BRAF: variants seen among roughly 807,000 people sequenced by gnomAD.
The protein encoded by BRAF is serine/threonine-protein kinase B-raf.
In BRAF, 16 loss-of-function variants were observed where a neutral mutation model predicts 104.6. That is an observed-to-expected ratio of 0.15 (90% CI 0.10 to 0.23). The LOEUF is 0.23. Ranked by LOEUF, BRAF falls within the 10% of genes least tolerant of loss-of-function variation. The probability of loss-of-function intolerance (pLI) is 1.00; values close to 1 mark genes in which losing one functional copy is unlikely to be tolerated. For missense variants in BRAF, 541 were observed against 937.3 expected (o/e 0.58, Z 5.52); for synonymous variants, 310 against 341.6 (o/e 0.91, Z 1.02).
At chr7:140,784,713 C>A (rs759162354) in intron 10 of BRAF, among the ~76,000 whole-genome samples, 1 of 150,468 alleles carries the variant, frequency 6.6e-6, no homozygotes, top group Admixed American at 6.6e-5. Flanking sequence ...GGTGTGATCT[C>A]GGCTCACTGC....
chr7:140,900,591 CTT>C (rs1248168871), intron 1 of BRAF, among the ~76,000 whole-genome samples: 3 of 152,166 alleles, frequency 2.0e-5, no homozygotes, highest in Non-Finnish European at 1.5e-5. Context: ...TTCATCTCCT[CTT>C]TCTGTTGTTT....
chr7:140,762,656 G>C (rs1452534865), intron 14 of BRAF, among the ~76,000 whole-genome samples: 1 of 150,032 alleles, frequency 6.7e-6, no homozygotes, highest in Non-Finnish European at 1.5e-5. Flanking sequence ...TTCTCGCAGA[G>C]GGGTATTTGG....
At chr7:140,811,556 C>G (rs878961096) in intron 3 of BRAF, among the ~76,000 whole-genome samples, 1 of 152,068 alleles carries the variant, frequency 6.6e-6, no homozygotes, top group Admixed American at 6.5e-5. Context: ...ATCTTTATAG[C>G]CTTGGGATTT....
At chr7:140,716,449 T>C (rs1795132085), downstream of BRAF, among the ~76,000 whole-genome samples, 1 of 152,234 alleles carries the variant, frequency 6.6e-6, no homozygotes, top group Admixed American at 6.5e-5. Context: ...TCTAGACCAT[T>C]GGACCTAAGC....
chr7:140,765,583 G>C lies in BRAF; in HGVS notation c.1814+11329C>G, dbSNP rs1224834040. 5.9e-5 allele frequency among the ~76,000 whole-genome samples: 9 copies of C among 151,940 alleles called. No homozygotes were observed. In the East Asian group the frequency reaches 1.7e-3, roughly 29 times the overall value. On this transcript the variant is annotated intron_variant, in intron 14 of 19. Transcript: ENST00000644969. ...AGGGCTAATATCCAGAATCTACAAA[G>C]AACTCAAACAAATTTACAAGAAAAA...
intron 3 of BRAF, among the ~76,000 whole-genome samples, chr7:140,831,575 CT>C (rs1022975530): frequency 6.6e-6 from 1 of 152,120 alleles, no homozygotes; most frequent in Non-Finnish European, 1.5e-5. Flanking sequence ...ACAGGATCCC[CT>C]TGTTGTACAA....
intron 10 of BRAF, among the ~76,000 whole-genome samples, chr7:140,785,225 C>T (rs1443217518): frequency 1.3e-5 from 2 of 151,898 alleles, no homozygotes; most frequent in East Asian, 3.9e-4. Context: ...GAAAAAAGGC[C>T]AAAAGCCTAA....
At chr7:140,807,875 C>T in intron 5 of BRAF, 85 bp downstream of exon 5, 2 of 1,048,666 alleles carry the variant, frequency 1.9e-6, no homozygotes, top group Non-Finnish European at 2.9e-6. Context: ...ATTACTCATC[C>T]ATATTTCACA....
At chr7:140,767,490 T>G (rs138718716) in intron 14 of BRAF, among the ~76,000 whole-genome samples, 66 of 152,140 alleles carry the variant, frequency 4.3e-4, no homozygotes, top group African/African-American at 1.6e-3. Flanking sequence ...GGCAGGTGGG[T>G]AGATGTCATA....
At chr7:140,761,303 A>G (rs992885857) in intron 14 of BRAF, among the ~76,000 whole-genome samples, 6 of 152,078 alleles carry the variant, frequency 3.9e-5, no homozygotes, top group African/African-American at 1.4e-4. Context: ...TCATAAGTGA[A>G]GGAGAAATAA....
In BRAF at chr7:140,800,441, G is replaced by A. The variant is rs34776339; in HGVS notation, c.901C>T (p.Pro301Ser). The A allele has an allele frequency of 3.1e-6, 5 of 1,614,136 alleles. No homozygotes were observed. Among genetic ancestry groups the A allele is most frequent in the South Asian group, 1.1e-5 (1 of 91,082 alleles). Residue 301 changes from proline (P) to serine (S), a missense_variant, in exon 7 of 20, where the codon CCA becomes TCA. This residue lies in a region of BRAF where 79 missense variants were observed against 74.6 expected (regional missense o/e 1.06). Coordinates refer to ENST00000644969, the MANE Select transcript of BRAF (RefSeq NM_001374258.1). The part of the protein sequence containing the change: ...VSKFFEHHPI[P>S]QEEASLAETA... ...TCTGCTAAGGACGCCTCTTCCTGTG[G>A]TATTGGGTGGTGTTCAAAGAACTTG... is the stretch of plus-strand genomic sequence containing the variant.
At chr7:140,766,817 T>A (rs1799375027) in intron 14 of BRAF, among the ~76,000 whole-genome samples, 2 of 152,222 alleles carry the variant, frequency 1.3e-5, no homozygotes, top group South Asian at 4.1e-4. Flanking sequence ...CCTAAAGTGC[T>A]TGGATTACAA....
intron 1 of BRAF, among the ~76,000 whole-genome samples, chr7:140,919,589 TTAAG>T (rs1817995074): frequency 6.6e-6 from 1 of 151,984 alleles, no homozygotes; most frequent in Non-Finnish European, 1.5e-5. Flanking sequence ...ACCATGCTAA[TTAAG>T]TATGTTAGTG....
chr7:140,876,981 T>C (rs1033566389), intron 1 of BRAF, among the ~76,000 whole-genome samples: 1 of 152,098 alleles, frequency 6.6e-6, no homozygotes, highest in Non-Finnish European at 1.5e-5. Context: ...AGAAAGTTAA[T>C]AGGAAAATCT....
intron 3 of BRAF, among the ~76,000 whole-genome samples, chr7:140,811,456 G>C (rs748684637): frequency 1.4e-4 from 21 of 152,174 alleles, no homozygotes; most frequent in Non-Finnish European, 2.6e-4. Flanking sequence ...GGGAGTAGGA[G>C]AGGGAGCTTA....
chr7:140,782,880 A>T, intron 11 of BRAF, 141 bp downstream of exon 10: 1 of 1,093,382 alleles, frequency 9.1e-7, no homozygotes, highest in Non-Finnish European at 1.3e-6. Context: ...TTAAGCAAAA[A>T]ACTATCAGTT....
At chr7:140,802,573 C>T (rs1481741499) in intron 5 of BRAF, among the ~76,000 whole-genome samples, 1 of 151,960 alleles carries the variant, frequency 6.6e-6, no homozygotes, top group East Asian at 1.9e-4. Context: ...GCTGGGATTA[C>T]AAACATGAGC....
intron 7 of BRAF, among the ~76,000 whole-genome samples, chr7:140,796,177 C>G (rs186858497): frequency 1.3e-5 from 2 of 151,808 alleles, no homozygotes; most frequent in Admixed American, 1.3e-4. Flanking sequence ...ATAGTAAAAC[C>G]CTGTCTCTAC....
chr7:140,759,499 G>A (rs1798488773), intron 14 of BRAF, among the ~76,000 whole-genome samples: 2 of 152,174 alleles, frequency 1.3e-5, no homozygotes, highest in Admixed American at 1.3e-4. Flanking sequence ...TGATTCTCCC[G>A]CCTCAGCCTC....
Sources: allele counts gnomAD v4.1 joint callset (sites outside exome capture counted in the v4.1 genomes callset), GRCh38; gene constraint gnomAD v4.1.1; regional missense constraint gnomAD v4.1.1; transcripts MANE v1.5; gene names NCBI Gene and HGNC (gene_info 2026-07-23, HGNC 2026-07-21).